The following CMSS1 variants were observed in gnomAD, a reference collection of about 807,000 sequenced individuals.
The protein encoded by CMSS1 is protein CMSS1.
CMSS1 carries 33 observed loss-of-function variants against 43.5 expected under a neutral mutation model. That is an observed-to-expected ratio of 0.76 (90% CI 0.57 to 1.01). The LOEUF (loss-of-function observed/expected upper bound fraction) is 1.01. Ranked by LOEUF, CMSS1 falls within the 50% of genes least tolerant of loss-of-function variation. The pLI is 0.00. For synonymous variants in CMSS1, 115 were observed against 117.2 expected, an observed-to-expected ratio of 0.98 and a Z score of 0.12; for missense variants, 313 against 326.4, an observed-to-expected ratio of 0.96 and a Z score of 0.32.
intron 1 of CMSS1, among the ~76,000 whole-genome samples, chr3:99,935,111 C>T (rs1271795317): frequency 6.6e-6 from 1 of 152,058 alleles, no homozygotes; most frequent in Non-Finnish European, 1.5e-5. Flanking sequence ...AAAACAAAGA[C>T]ATGAATTTCA....
At chr3:99,856,561 A>G (rs900314207) in intron 1 of CMSS1, among the ~76,000 whole-genome samples, 3 of 152,248 alleles carry the variant, frequency 2.0e-5, no homozygotes, top group Non-Finnish European at 2.9e-5. Flanking sequence ...GGCTTAAAGC[A>G]GTATCTTATT....
intron 1 of CMSS1, among the ~76,000 whole-genome samples, chr3:99,991,541 A>T (rs1490944669): frequency 6.6e-6 from 1 of 151,942 alleles, no homozygotes; most frequent in Non-Finnish European, 1.5e-5. Flanking sequence ...CTTTTAGTGT[A>T]CCCATCACCC....
chr3:100,121,893 T>C (rs1284059954), intron 1 of CMSS1, among the ~76,000 whole-genome samples: 1 of 152,144 alleles, frequency 6.6e-6, no homozygotes, highest in Non-Finnish European at 1.5e-5. Context: ...GCAGAACCAG[T>C]AGCATATGTT....
rs2067181228 is a variant in CMSS1, at chr3:100,180,991, C to G, written c.*2603C>G. On this transcript the variant is annotated 3_prime_UTR_variant, in exon 10 of 10. Transcript: ENST00000421999. The stretch of plus-strand genomic sequence containing the variant: ...ATGGCAGAAGATGAAAGGGATGCAA[C>G]CACATCTTGTGGCAACAAGAGAGCA... 6.6e-6 allele frequency: 1 copy of G among 152,292 alleles called. No individual in the cohort carries two copies. The highest frequency in any genetic ancestry group is 2.4e-5 in the African/African-American group (1 of 41,432). 9.4% of individuals were successfully genotyped at this position (152,292 alleles called of 1,614,324 possible). A position where few individuals can be genotyped will look rare whatever the true frequency, so the allele number is the denominator to read the frequency against.
chr3:99,836,195 C>G (rs370803305), intron 1 of CMSS1, among the ~76,000 whole-genome samples: 1 of 152,058 alleles, frequency 6.6e-6, no homozygotes, highest in Admixed American at 6.6e-5. Flanking sequence ...TACCATCTGT[C>G]CTAAATTCTG....
At chr3:99,923,600 C>T (rs1576575497) in intron 1 of CMSS1, among the ~76,000 whole-genome samples, 1 of 152,272 alleles carries the variant, frequency 6.6e-6, no homozygotes, top group East Asian at 1.9e-4. Context: ...GCTGTTGGAA[C>T]ACATCCCCTC....
At chr3:99,896,102 A>AG (rs1559679712) in intron 1 of CMSS1, among the ~76,000 whole-genome samples, 1 of 152,056 alleles carries the variant, frequency 6.6e-6, no homozygotes, top group African/African-American at 2.4e-5. Context: ...ATAAACTTTT[A>AG]GAAAAAAAAA....
intron 1 of CMSS1, among the ~76,000 whole-genome samples, chr3:99,927,021 C>T (rs779587676): frequency 2.6e-5 from 4 of 152,206 alleles, no homozygotes; most frequent in Admixed American, 6.5e-5. Flanking sequence ...ACCATCTGAA[C>T]CTCCTGCCAC....
At chr3:99,843,071 G>A (rs2107509338) in intron 1 of CMSS1, among the ~76,000 whole-genome samples, 1 of 152,318 alleles carries the variant, frequency 6.6e-6, no homozygotes, top group South Asian at 2.1e-4. Context: ...TGGGGTTTAA[G>A]GTTTGAGAAC....
chr3:99,851,426 C>T (rs1943691884), intron 1 of CMSS1, among the ~76,000 whole-genome samples: 1 of 152,190 alleles, frequency 6.6e-6, no homozygotes. Flanking sequence ...TTAGACCTGG[C>T]TTCAAGGCCG....
At chr3:100,111,993 C>T (rs2066499319) in intron 1 of CMSS1, among the ~76,000 whole-genome samples, 1 of 152,164 alleles carries the variant, frequency 6.6e-6, no homozygotes, top group Admixed American at 6.6e-5. Flanking sequence ...CCATGTTTGC[C>T]TCATTCACTG....
At chr3:100,089,849 C>G (rs2066073229) in intron 1 of CMSS1, among the ~76,000 whole-genome samples, 2 of 152,170 alleles carry the variant, frequency 1.3e-5, no homozygotes, top group African/African-American at 4.8e-5. Context: ...TTTTTGCCAC[C>G]TACTAGTTCA....
At chr3:99,849,300 A>G (rs953138430) in intron 1 of CMSS1, 1 of 1,614,180 alleles carries the variant, frequency 6.2e-7, no homozygotes. Context: ...ATACTTGAGG[A>G]TCGGAAATTC....
intron 1 of CMSS1, among the ~76,000 whole-genome samples, chr3:100,071,772 C>T (rs898859689): frequency 6.6e-6 from 1 of 152,194 alleles, no homozygotes; most frequent in South Asian, 2.1e-4. Flanking sequence ...TGACTTTTCA[C>T]CTCTTATTGT....
At chr3:99,905,140 T>C (rs901727599) in intron 1 of CMSS1, among the ~76,000 whole-genome samples, 2 of 152,232 alleles carry the variant, frequency 1.3e-5, no homozygotes, top group African/African-American at 4.8e-5. Context: ...CCTTCCTAGA[T>C]AGCTTATCCC....
intron 1 of CMSS1, among the ~76,000 whole-genome samples, chr3:100,133,650 G>A (rs1003335234): frequency 2.6e-5 from 4 of 152,114 alleles, no homozygotes; most frequent in Non-Finnish European, 4.4e-5. Context: ...ACATCTCAGC[G>A]TTATCTCACC....
At chr3:100,124,004 A>T (rs887332704) in intron 1 of CMSS1, among the ~76,000 whole-genome samples, 1 of 152,184 alleles carries the variant, frequency 6.6e-6, no homozygotes, top group African/African-American at 2.4e-5. Flanking sequence ...TTTACCTCCT[A>T]TGTGGAGAGG....
At chr3:100,079,214 CA>C (rs963168114) in intron 1 of CMSS1, among the ~76,000 whole-genome samples, 7 of 152,292 alleles carry the variant, frequency 4.6e-5, no homozygotes, top group African/African-American at 1.7e-4. Flanking sequence ...GTCGCCAGGC[CA>C]TTTTGAGGCT....
At chr3:99,957,287 ATTC>A (rs1438846124) in intron 1 of CMSS1, among the ~76,000 whole-genome samples, 6 of 152,356 alleles carry the variant, frequency 3.9e-5, no homozygotes, top group African/African-American at 1.4e-4. Context: ...CATAGCAGCT[ATTC>A]TTAAGAATTC....
Sources: allele counts gnomAD v4.1 joint callset (sites outside exome capture counted in the v4.1 genomes callset), GRCh38; gene constraint gnomAD v4.1.1; transcripts MANE v1.5; gene names NCBI Gene and HGNC (gene_info 2026-07-23, HGNC 2026-07-21).